Variants in EHBP1 observed in about 807,000 individuals in gnomAD.
The protein encoded by EHBP1 is EH domain-binding protein 1.
EHBP1 carries 55 observed loss-of-function variants against 144.0 expected under a neutral mutation model. The ratio of observed to expected loss-of-function variants is 0.38; its 90% confidence interval spans 0.31 to 0.48. The LOEUF (loss-of-function observed/expected upper bound fraction) is 0.48. Ranked by LOEUF, EHBP1 falls within the 20% of genes least tolerant of loss-of-function variation. The probability of loss-of-function intolerance (pLI) is 0.98; values close to 1 mark genes in which losing one functional copy is unlikely to be tolerated. For synonymous variants in EHBP1, 469 were observed against 472.7 expected, an observed-to-expected ratio of 0.99 and a Z score of 0.10; for missense variants, 1,200 against 1,364.2, an observed-to-expected ratio of 0.88 and a Z score of 1.90.
intron 2 of EHBP1, among the ~76,000 whole-genome samples, chr2:62,733,345 T>C (rs2037797276): frequency 6.6e-6 from 1 of 152,210 alleles, no homozygotes; most frequent in African/African-American, 2.4e-5. Flanking sequence ...CTCTGTTGTC[T>C]TGTAGTTTCT....
chr2:62,719,181 G>A (rs558383053), intron 2 of EHBP1, among the ~76,000 whole-genome samples: 80 of 152,056 alleles, frequency 5.3e-4, no homozygotes, highest in African/African-American at 1.8e-3. Flanking sequence ...TGCCCAGGCT[G>A]GTCTTGAACA....
intron 13 of EHBP1, among the ~76,000 whole-genome samples, chr2:62,953,845 T>A (rs1290348612): frequency 6.6e-6 from 1 of 152,160 alleles, no homozygotes; most frequent in African/African-American, 2.4e-5. Flanking sequence ...GATTTTGGTC[T>A]TAAGACCAAA....
intron 7 of EHBP1, among the ~76,000 whole-genome samples, chr2:62,839,781 G>A (rs1201689820): frequency 2.6e-5 from 4 of 152,168 alleles, no homozygotes; most frequent in African/African-American, 9.7e-5. Flanking sequence ...CAACTTAAAA[G>A]GGATGTGAAG....
chr2:62,682,944 A>G (rs1275317318), intron 1 of EHBP1, among the ~76,000 whole-genome samples: 1 of 152,180 alleles, frequency 6.6e-6, no homozygotes, highest in African/African-American at 2.4e-5. Context: ...TAAAATAACT[A>G]TTATACGTTA....
chr2:62,930,381 G>T (rs770843889), intron 10 of EHBP1, among the ~76,000 whole-genome samples: 1 of 152,126 alleles, frequency 6.6e-6, no homozygotes, highest in Non-Finnish European at 1.5e-5. Context: ...ACTGAAAAAG[G>T]CAGAAATAAA....
chr2:63,038,295 G>A (rs2061527436), intron 20 of EHBP1, among the ~76,000 whole-genome samples: 1 of 152,048 alleles, frequency 6.6e-6, no homozygotes, highest in African/African-American at 2.4e-5. Context: ...TGCCATGCCT[G>A]AACTTGATAA....
chr2:62,843,685 A>C (rs1394186102), intron 7 of EHBP1, among the ~76,000 whole-genome samples: 3 of 152,150 alleles, frequency 2.0e-5, no homozygotes, highest in Non-Finnish European at 4.4e-5. Flanking sequence ...ACTAACTTTC[A>C]GGGATATATT....
chr2:62,804,607 A>G (rs919571088), intron 5 of EHBP1, among the ~76,000 whole-genome samples: 1 of 152,358 alleles, frequency 6.6e-6, no homozygotes, highest in Middle Eastern at 3.4e-3. Context: ...ATTTAAAATC[A>G]TATTAAGACT....
chr2:63,003,426 C>T (rs1013547736), intron 19 of EHBP1, among the ~76,000 whole-genome samples: 1 of 152,000 alleles, frequency 6.6e-6, no homozygotes, highest in African/African-American at 2.4e-5. Context: ...CCGTTCACAG[C>T]GCATTAAATA....
intron 14 of EHBP1, among the ~76,000 whole-genome samples, chr2:62,965,276 T>C (rs1233536849): frequency 1.3e-5 from 2 of 152,228 alleles, no homozygotes. Context: ...ATTAATTTCT[T>C]AACATCTTAC....
At position 62,718,676 on chromosome 2, in the gene EHBP1, C is replaced by G. The variant is rs903825805; in HGVS notation, c.104+11381C>G. 7.2e-5 allele frequency among the ~76,000 whole-genome samples: 11 copies of G among 152,268 alleles called. No individual in the cohort carries two copies. The South Asian group carries it at 2.3e-3, about 32-fold the overall frequency. On this transcript the variant is annotated intron_variant, in intron 2 of 22. Transcript: ENST00000431489. Reference sequence around the variant, plus strand: ...GGTCTTAGAACTACCATATTTGATTCTTTCTTAAGAATCCATCTGAAACAA... The same window carrying G: ...GGTCTTAGAACTACCATATTTGATTGTTTCTTAAGAATCCATCTGAAACAA...
At chr2:62,740,386 C>T (rs2038588576) in intron 2 of EHBP1, among the ~76,000 whole-genome samples, 4 of 152,036 alleles carry the variant, frequency 2.6e-5, no homozygotes, top group Admixed American at 1.3e-4. Context: ...TGCAAAATAA[C>T]TCTTGTGAGT....
intron 19 of EHBP1, among the ~76,000 whole-genome samples, chr2:63,033,781 G>T (rs576886581): frequency 3.3e-5 from 5 of 152,182 alleles, no homozygotes; most frequent in Admixed American, 3.3e-4. Context: ...TAACTTTGAA[G>T]ATTTCTTGGA....
intron 7 of EHBP1, among the ~76,000 whole-genome samples, chr2:62,857,879 T>C (rs1415795879): frequency 6.6e-6 from 1 of 152,016 alleles, no homozygotes; most frequent in Non-Finnish European, 1.5e-5. Flanking sequence ...AAAACAGTAG[T>C]AGAAAATAGT....
chr2:63,000,701 AAAC>A (rs1285127534), intron 19 of EHBP1, among the ~76,000 whole-genome samples: 1 of 152,076 alleles, frequency 6.6e-6, no homozygotes, highest in East Asian at 1.9e-4. Flanking sequence ...CTCTGTCTCA[AAAC>A]AACAACAACA....
At chr2:63,041,807 T>C (rs1244767049) in intron 21 of EHBP1, among the ~76,000 whole-genome samples, 1 of 152,156 alleles carries the variant, frequency 6.6e-6, no homozygotes, top group Non-Finnish European at 1.5e-5. Flanking sequence ...ACAAAACTAG[T>C]GTTAATTTTC....
intron 10 of EHBP1, among the ~76,000 whole-genome samples, chr2:62,930,809 A>G (rs2055925997): frequency 6.6e-6 from 1 of 152,188 alleles, no homozygotes; most frequent in Non-Finnish European, 1.5e-5. Flanking sequence ...TAATATTGGA[A>G]AATTAGATGT....
chr2:62,760,554 A>G (rs543491769), intron 3 of EHBP1, among the ~76,000 whole-genome samples: 1 of 152,342 alleles, frequency 6.6e-6, no homozygotes, highest in South Asian at 2.1e-4. Context: ...GAGGATTTAG[A>G]GGACCAAGCT....
intron 5 of EHBP1, among the ~76,000 whole-genome samples, chr2:62,818,523 A>G (rs1480490443): frequency 1.3e-5 from 2 of 152,054 alleles, no homozygotes; most frequent in South Asian, 2.1e-4. Context: ...ACACTCTTTG[A>G]TGTTCACACA....
Sources: gnomAD v4.1 joint callset for allele counts (sites outside exome capture counted in the v4.1 genomes callset) on GRCh38, gnomAD v4.1.1 for gene constraint, MANE v1.5 for transcripts, NCBI Gene and HGNC (gene_info 2026-07-23, HGNC 2026-07-21) for gene names.